Variants in CAMTA1 observed in about 807,000 individuals in gnomAD.
CAMTA1 encodes the protein calmodulin binding transcription activator 1.
In CAMTA1, 27 loss-of-function variants were observed where a neutral mutation model predicts 170.9. The ratio of observed to expected loss-of-function variants is 0.16; its 90% CI spans 0.12 to 0.22. The LOEUF (loss-of-function observed/expected upper bound fraction) is 0.22. Among genes scored for constraint, CAMTA1 ranks in the 10% least tolerant of loss-of-function variants. The pLI, the probability that CAMTA1 is intolerant of heterozygous loss-of-function variation, is 1.00. For missense variants in CAMTA1, 1,619 were observed against 2,217.2 expected (o/e 0.73, Z 5.42); for synonymous variants, 833 against 891.5 (o/e 0.93, Z 1.17).
At chr1:7,713,407 A>T (rs1273331344) in intron 11 of CAMTA1, among the ~76,000 whole-genome samples, 1 of 152,170 alleles carries the variant, frequency 6.6e-6, no homozygotes, top group Non-Finnish European at 1.5e-5. Flanking sequence ...TGGGAAAATT[A>T]GTTTCAGGAA....
At chr1:7,510,050 C>T (rs1176748576) in intron 6 of CAMTA1, among the ~76,000 whole-genome samples, 7 of 109,030 alleles carry the variant, frequency 6.4e-5, no homozygotes, top group African/African-American at 1.4e-4. Flanking sequence ...GCCATCCAGG[C>T]CCCCTTTGTA....
At chr1:7,689,819 C>T (rs1302578307) in intron 11 of CAMTA1, among the ~76,000 whole-genome samples, 1 of 152,126 alleles carries the variant, frequency 6.6e-6, no homozygotes. Flanking sequence ...ATCCCACAGC[C>T]AAATTCACCC....
chr1:7,176,167 T>C (rs976244871), intron 4 of CAMTA1, among the ~76,000 whole-genome samples: 2 of 152,214 alleles, frequency 1.3e-5, no homozygotes, highest in Non-Finnish European at 2.9e-5. Flanking sequence ...TTTTGCAATG[T>C]GATGAGCTGC....
chr1:7,342,488 C>A (rs2083907340), intron 5 of CAMTA1, among the ~76,000 whole-genome samples: 1 of 152,086 alleles, frequency 6.6e-6, no homozygotes, highest in Non-Finnish European at 1.5e-5. Flanking sequence ...GAGACTGGGA[C>A]TGAAGCAGGG....
In CAMTA1 at chr1:7,050,707, G is replaced by A. The variant is rs1400416329; in HGVS notation, c.235-40597G>A. Among the ~76,000 whole-genome samples the A allele has an allele frequency of 6.6e-6, 1 of 151,422 alleles. No individual in the cohort carries two copies. Among genetic ancestry groups the A allele is most frequent in the African/African-American group, 2.4e-5 (1 of 41,268 alleles). ...CCAATTTGTGGAGGCAATGGTGGGG[G>A]TAGGGTGGGTGGAGGAGAGAGTATG... On this transcript the variant is annotated intron_variant, in intron 3 of 22. Coordinates refer to ENST00000303635, the MANE Select transcript of CAMTA1 (RefSeq NM_015215.4). This position sits in a 1 kb window ranked among gnomAD's most constrained non-coding sequence, Gnocchi z 4.8.
chr1:7,014,284 T>G lies in CAMTA1; in HGVS notation c.235-77020T>G, dbSNP rs1700227475. On this transcript the variant is annotated intron_variant, in intron 3 of 22. Transcript: ENST00000303635. This position sits in a 1 kb window ranked among gnomAD's most constrained non-coding sequence, Gnocchi z 4.2. ...TGTCTGCACATAGGGAAACCTGAGT[T>G]GAAGCCGAGCCTTGGGTTAGGCCCT... 6.6e-6 allele frequency: 1 copy of G among 152,292 alleles called. No homozygotes were observed. The highest frequency in any genetic ancestry group is 1.5e-5 in the Non-Finnish European group (1 of 68,100). 9.4% of individuals were successfully genotyped at this position (152,292 alleles called of 1,614,324 possible).
rs59131144 is a variant in CAMTA1 at position 7,429,237 on chromosome 1, T to C, written c.439-38593T>C. Among the ~76,000 whole-genome samples, 1,387 of 152,318 alleles carry C rather than the reference T, an allele frequency of 9.1e-3. 21 individuals are homozygous for C. The highest frequency in any genetic ancestry group is 0.032 in the African/African-American group (1,314 of 41,566). On this transcript the variant is annotated intron_variant, in intron 5 of 22. Transcript: ENST00000303635. Reference sequence around the variant, plus strand: ...CACAATTGGATACACGTACCTCATATGGTGGTTGCGAGGTTGAAATGTAAT... The same window carrying C: ...CACAATTGGATACACGTACCTCATACGGTGGTTGCGAGGTTGAAATGTAAT...
intron 19 of CAMTA1, among the ~76,000 whole-genome samples, chr1:7,749,135 C>G (rs1436257864): frequency 1.3e-5 from 2 of 152,104 alleles, no homozygotes; most frequent in African/African-American, 4.8e-5. Flanking sequence ...AACCTTTTAT[C>G]AGATTGTGCT....
chr1:7,322,936 CTT>C (rs1259706640), intron 5 of CAMTA1, among the ~76,000 whole-genome samples: 1 of 104,018 alleles, frequency 9.6e-6, no homozygotes, highest in Non-Finnish European at 1.9e-5. Context: ...TCCCTCTTCT[CTT>C]TCTTTCCCTC....
intron 5 of CAMTA1, among the ~76,000 whole-genome samples, chr1:7,398,915 C>T (rs2089667607): frequency 6.6e-6 from 1 of 152,086 alleles, no homozygotes; most frequent in Non-Finnish European, 1.5e-5. Flanking sequence ...TTTAAATATT[C>T]CAGACTTTTA....
intron 1 of CAMTA1, among the ~76,000 whole-genome samples, chr1:6,796,630 G>A (rs937518729): frequency 6.6e-6 from 1 of 152,000 alleles, no homozygotes; most frequent in African/African-American, 2.4e-5. Context: ...TTTATTTTAA[G>A]ATATTATTAT....
At chr1:6,824,730 A>G (rs1027712211) in intron 2 of CAMTA1, among the ~76,000 whole-genome samples, 3 of 152,202 alleles carry the variant, frequency 2.0e-5, no homozygotes, top group Non-Finnish European at 4.4e-5. Flanking sequence ...TCAACTGCTT[A>G]ATAAAAGATT....
intron 3 of CAMTA1, among the ~76,000 whole-genome samples, chr1:6,955,111 G>A (rs1239854214): frequency 1.3e-5 from 2 of 151,136 alleles, no homozygotes; most frequent in East Asian, 2.0e-4. Flanking sequence ...AAGAGCATCC[G>A]ACCTTTCCCT....
intron 18 of CAMTA1, among the ~76,000 whole-genome samples, chr1:7,746,930 C>T (rs1341771945): frequency 3.3e-5 from 5 of 152,228 alleles, no homozygotes; most frequent in Non-Finnish European, 5.9e-5. Context: ...AGCCACCGCA[C>T]CCAGCCTTGA....
chr1:7,281,885 C>T (rs1006097589), intron 5 of CAMTA1, among the ~76,000 whole-genome samples: 3 of 149,580 alleles, frequency 2.0e-5, no homozygotes, highest in African/African-American at 4.9e-5. Context: ...CTTTGTGGAA[C>T]GGGTAGAAAC....
At chr1:7,036,189 G>A (rs1489033386) in intron 3 of CAMTA1, among the ~76,000 whole-genome samples, 1 of 152,140 alleles carries the variant, frequency 6.6e-6, no homozygotes. Context: ...AGGATATCTA[G>A]TGAATTTTTA....
intron 6 of CAMTA1, among the ~76,000 whole-genome samples, chr1:7,514,473 T>G (rs2094251412): frequency 6.6e-6 from 1 of 152,240 alleles, no homozygotes; most frequent in South Asian, 2.1e-4. Flanking sequence ...ACGGAGCACT[T>G]GCAGATGTGT....
intron 11 of CAMTA1, among the ~76,000 whole-genome samples, chr1:7,692,446 G>A (rs1206396446): frequency 4.6e-5 from 7 of 152,176 alleles, no homozygotes; most frequent in African/African-American, 1.7e-4. Context: ...ATGGACCCTG[G>A]AGGAGAGCCT....
intron 11 of CAMTA1, among the ~76,000 whole-genome samples, chr1:7,703,146 G>A (rs1224280052): frequency 6.6e-6 from 1 of 152,218 alleles, no homozygotes; most frequent in East Asian, 1.9e-4. Context: ...CAAAGCTGGA[G>A]GTTTGGTTCT....
Sources: gnomAD v4.1 joint callset for allele counts (sites outside exome capture counted in the v4.1 genomes callset) on GRCh38, gnomAD v4.1.1 for gene constraint, Gnocchi (gnomAD v3.1) non-coding constraint, MANE v1.5 for transcripts, NCBI Gene and HGNC (gene_info 2026-07-23, HGNC 2026-07-21) for gene names.